The following FER1L5 variants were observed in gnomAD, a reference collection of about 807,000 sequenced individuals.
FER1L5 encodes the protein fer-1 like family member 5.
FER1L5 carries 187 observed loss-of-function variants against 279.9 expected under a neutral mutation model. That is an observed-to-expected ratio of 0.67 (90% confidence interval 0.59 to 0.75). The LOEUF is 0.75. Ranked by LOEUF, FER1L5 falls within the 30% of genes least tolerant of loss-of-function variation. FER1L5 has a pLI of 0.00. For synonymous variants in FER1L5, 921 were observed against 989.7 expected (o/e 0.93, Z 1.30); for missense variants, 2,091 against 2,594.4 (o/e 0.81, Z 4.21).
chr2:96,693,302 G>A (rs749734860), intron 31 of FER1L5, among the ~76,000 whole-genome samples: 2 of 152,094 alleles, frequency 1.3e-5, no homozygotes, highest in African/African-American at 2.4e-5. Flanking sequence ...TACAGAACTC[G>A]TGGATGGGAC....
intron 19 of FER1L5, among the ~76,000 whole-genome samples, chr2:96,676,019 C>T (rs1167800013): frequency 6.6e-6 from 1 of 152,128 alleles, no homozygotes; most frequent in Non-Finnish European, 1.5e-5. Context: ...TTTCATTCTA[C>T]AAGCTTTATC....
Position 96,698,735 on chromosome 2 carries a change from T to C in FER1L5, c.4421T>C (p.Leu1474Ser), listed in dbSNP as rs751307424. Reference protein sequence around the residue: ...PEAPKPPLQFLVWPEREDFPQ... With the variant: ...PEAPKPPLQFSVWPEREDFPQ... ...GCCCCAAAGCCCCCGCTGCAGTTCT[T>C]GGTTTGGCCAGAGAGAGAGGACTTC... is the stretch of plus-strand genomic sequence containing the variant. The change falls in exon 41 of 53, where the codon TTG (leucine) becomes TCG (serine). Residue 1474 changes from leucine (L) to serine (S), a missense_variant. Coordinates refer to ENST00000624922, the MANE Select transcript of FER1L5 (RefSeq NM_001293083.2). The surrounding 1 kb of genome is among the most constrained non-coding windows in gnomAD (Gnocchi z 5.5). 26 of 1,579,306 alleles carry C rather than the reference T, an allele frequency of 1.6e-5. No individual in the cohort carries two copies. In the South Asian group the frequency reaches 3.0e-4, roughly 18 times the overall value.
intron 37 of FER1L5, among the ~76,000 whole-genome samples, chr2:96,696,385 C>T (rs572738787): frequency 2.0e-5 from 3 of 152,144 alleles, no homozygotes; most frequent in South Asian, 4.1e-4. Context: ...CTCCGCCTCC[C>T]GGGTTCGAGA....
chr2:96,666,002 T>A (rs2076113564), intron 14 of FER1L5, among the ~76,000 whole-genome samples: 2 of 151,984 alleles, frequency 1.3e-5, no homozygotes, highest in Non-Finnish European at 2.9e-5. Flanking sequence ...TCATCCATTT[T>A]CCCCAGAACA....
intron 9 of FER1L5, among the ~76,000 whole-genome samples, chr2:96,657,203 T>G (rs2075634502): frequency 6.6e-6 from 1 of 151,732 alleles, no homozygotes; most frequent in South Asian, 2.1e-4. Context: ...CCCCCCAGGA[T>G]AGCTGGAACC....
In FER1L5 at chr2:96,693,752, T is replaced by A. The variant is rs369529760; in HGVS notation, c.3474+65T>A. 20 of 1,504,902 alleles carry A rather than the reference T, an allele frequency of 1.3e-5. No individual in the cohort carries two copies. The African/African-American group carries it at 2.4e-4, about 18-fold the overall frequency. The allele number at this position is 1,504,902 out of a possible 1,614,324, so 93.2% of individuals were successfully genotyped here. A position where few individuals can be genotyped will look rare whatever the true frequency, so the allele number is the denominator to read the frequency against. On this transcript the variant is annotated intron_variant, in intron 32 of 52. Transcript: ENST00000624922. ...CTCACAGAGTGGCTGAGGGGATTTA[T>A]TTTAGATGAAAATGTATGGAAAGTG...
intron 9 of FER1L5, among the ~76,000 whole-genome samples, 199 bp from the exon 10 acceptor site, chr2:96,660,142 A>T (rs758072538): frequency 2.6e-5 from 4 of 152,096 alleles, no homozygotes; most frequent in Non-Finnish European, 5.9e-5. Flanking sequence ...GACTTTGGGC[A>T]CCTCTCTCAA....
At chr2:96,679,627 G>T (rs1378427614) in intron 19 of FER1L5, among the ~76,000 whole-genome samples, 1 of 152,210 alleles carries the variant, frequency 6.6e-6, no homozygotes, top group Non-Finnish European at 1.5e-5. Flanking sequence ...TTGTTAAAAA[G>T]ACCATCCTTT....
At chr2:96,654,074 A>AG (rs2075495226) in intron 8 of FER1L5, 2 of 297,406 alleles carry the variant, frequency 6.7e-6, no homozygotes, top group Non-Finnish European at 1.2e-5. Flanking sequence ...TGCCCAGCAC[A>AG]GGGCTAAGGA....
intron 9 of FER1L5, among the ~76,000 whole-genome samples, chr2:96,658,272 T>C (rs1359214992): frequency 4.0e-5 from 6 of 151,858 alleles, no homozygotes; most frequent in Non-Finnish European, 8.8e-5. Context: ...CACCTTGGCC[T>C]CCCAAAGTGC....
intron 18 of FER1L5, 91 bp downstream of exon 18, chr2:96,670,338 G>T (rs2076278247): frequency 6.7e-7 from 1 of 1,491,916 alleles, no homozygotes; most frequent in East Asian, 2.5e-5. Context: ...CGTGTAGAGA[G>T]GCCCTGGCCA....
chr2:96,644,774 G>C, intron 1 of FER1L5, among the ~76,000 whole-genome samples: 1 of 152,188 alleles, frequency 6.6e-6, no homozygotes, highest in East Asian at 1.9e-4. Flanking sequence ...CTCACAGGGT[G>C]ATGCATGCTG....
In FER1L5 at chr2:96,699,116, T is replaced by G; in HGVS notation, c.4590T>G (p.Thr1530=). ...ACCGGGACATGTACCAGCCCAACAC[T>G]CTGGATCCCATCTTTGGCATGTGAG... The part of the protein sequence containing the change: ...LGNRDMYQPN[T]LDPIFGMMFE... The change falls in exon 42 of 53, where the codon ACT becomes ACG. Residue 1530 remains threonine, a synonymous_variant. Transcript: ENST00000624922. 3 of 1,609,906 alleles carry G rather than the reference T, an allele frequency of 1.9e-6. No homozygotes were observed. The highest frequency in any genetic ancestry group is 2.5e-6 in the Non-Finnish European group (3 of 1,178,276).
chr2:96,659,729 G>A (rs113914866), intron 9 of FER1L5, among the ~76,000 whole-genome samples: 11,203 of 151,404 alleles, frequency 0.074, 747 homozygotes, highest in African/African-American at 0.19. Flanking sequence ...CTGACCTCTT[G>A]ATCCGCCTGC....
In FER1L5 at chr2:96,692,168, C is replaced by T. The variant is rs1408393662; in HGVS notation, c.3279C>T (p.Ile1093=). The change falls in exon 31 of 53, where the codon ATC becomes ATT. Residue 1093 remains isoleucine (I), a synonymous_variant. Transcript: ENST00000624922. ...CCCGGAACCTGGTGTCCAATCAGAT[C>T]CTGACATTCCAAGGTAGGTGGCAGG... ...YQARNLVSNQ[I]LTFQGPFIRV... The T allele has an allele frequency of 6.4e-7, 1 of 1,551,706 alleles. No individual in the cohort carries two copies. The highest frequency in any genetic ancestry group is 8.7e-7 in the Non-Finnish European group (1 of 1,146,982).
intron 3 of FER1L5, 67 bp from the exon 4 acceptor site, chr2:96,647,711 G>C: frequency 8.3e-7 from 1 of 1,200,462 alleles, no homozygotes. Flanking sequence ...CTAAAGCCCT[G>C]CCCGGGAGAG....
At chr2:96,654,642 G>A in intron 9 of FER1L5, 146 bp downstream of exon 9, 4 of 378,414 alleles carry the variant, frequency 1.1e-5, no homozygotes, top group Non-Finnish European at 1.9e-5. Context: ...GCTCGCACCT[G>A]TAATCCCAGC....
intron 4 of FER1L5, among the ~76,000 whole-genome samples, chr2:96,648,669 A>G (rs917754808): frequency 1.3e-5 from 2 of 152,198 alleles, no homozygotes; most frequent in Non-Finnish European, 2.9e-5. Flanking sequence ...CTGACCTCCT[A>G]CAAGTCTGAC....
At chr2:96,653,843 CT>C in intron 8 of FER1L5, 141 bp downstream of exon 8, 1 of 635,258 alleles carries the variant, frequency 1.6e-6, no homozygotes. Context: ...TCTTCACCCC[CT>C]GGCACCCAGA....
Sources: allele counts gnomAD v4.1 joint callset (sites outside exome capture counted in the v4.1 genomes callset), GRCh38; gene constraint gnomAD v4.1.1; non-coding constraint Gnocchi (gnomAD v3.1); transcripts MANE v1.5; gene names NCBI Gene and HGNC (gene_info 2026-07-23, HGNC 2026-07-21).